Variants in LSAMP observed in about 807,000 individuals in gnomAD.
LSAMP encodes the protein limbic system associated membrane protein.
In LSAMP, 7 loss-of-function variants were observed where a neutral mutation model predicts 38.6. The ratio of observed to expected loss-of-function variants is 0.18; its 90% CI spans 0.10 to 0.34. The LOEUF is 0.34. LSAMP is among the 10% of genes least tolerant of loss of function. The probability of loss-of-function intolerance (pLI) is 1.00; values close to 1 mark genes in which losing one functional copy is unlikely to be tolerated. For synonymous variants in LSAMP, 154 were observed against 166.8 expected (o/e 0.92, Z 0.59); for missense variants, 313 against 420.0 (o/e 0.75, Z 2.23).
intron 1 of LSAMP, among the ~76,000 whole-genome samples, chr3:116,234,990 T>C (rs2107632174): frequency 6.6e-6 from 1 of 151,604 alleles, no homozygotes; most frequent in East Asian, 1.9e-4. Context: ...TATCTACCAG[T>C]TTGACAATGA....
Position 116,011,072 on chromosome 3 carries a change from C to T in LSAMP, c.514+8443G>A, listed in dbSNP as rs779478244. On this transcript the variant is annotated intron_variant, in intron 3 of 6. Transcript: ENST00000490035. Reference sequence around the variant, plus strand: ...AGGCTGGAGTGCAGTGGCATGATCTCGGCTCACTGCAAGCTCTGCCTCCTG... The same window carrying T: ...AGGCTGGAGTGCAGTGGCATGATCTTGGCTCACTGCAAGCTCTGCCTCCTG... Among the ~76,000 whole-genome samples, 8 of 151,486 alleles carry T rather than the reference C, an allele frequency of 5.3e-5. No individual in the cohort carries two copies. The South Asian group carries it at 6.2e-4, about 12-fold the overall frequency.
chr3:115,834,556 AC>A, intron 6 of LSAMP: 1 of 1,283,964 alleles, frequency 7.8e-7, no homozygotes, highest in Non-Finnish European at 1.0e-6. Flanking sequence ...TAAAAATCAT[AC>A]TGACCTTGAA....
At chr3:115,865,360 C>T (rs1935827280) in intron 3 of LSAMP, among the ~76,000 whole-genome samples, 2 of 152,146 alleles carry the variant, frequency 1.3e-5, no homozygotes, top group Non-Finnish European at 2.9e-5. Flanking sequence ...TATTGTCTAA[C>T]ATATTACTCA....
chr3:116,044,715 A>G (rs1464722971), intron 2 of LSAMP, among the ~76,000 whole-genome samples: 2 of 152,232 alleles, frequency 1.3e-5, no homozygotes, highest in African/African-American at 4.8e-5. Flanking sequence ...TAATTCATAT[A>G]TCACAATCCT....
At chr3:116,300,423 C>T (rs1010598732) in intron 1 of LSAMP, among the ~76,000 whole-genome samples, 1 of 152,174 alleles carries the variant, frequency 6.6e-6, no homozygotes, top group African/African-American at 2.4e-5. Context: ...GCCCGCTCTC[C>T]TATTGACTTG....
chr3:116,035,248 T>C (rs1941021649), intron 2 of LSAMP, among the ~76,000 whole-genome samples: 2 of 152,184 alleles, frequency 1.3e-5, no homozygotes, highest in South Asian at 4.1e-4. Flanking sequence ...ATGTTAAATT[T>C]TATATGCTAC....
At chr3:116,049,039 G>A (rs1941344186) in intron 2 of LSAMP, among the ~76,000 whole-genome samples, 1 of 152,224 alleles carries the variant, frequency 6.6e-6, no homozygotes, top group African/African-American at 2.4e-5. Flanking sequence ...GTGGAGAACA[G>A]AACCTCCTCT....
At chr3:116,004,544 A>T (rs1940100380) in intron 3 of LSAMP, among the ~76,000 whole-genome samples, 1 of 149,636 alleles carries the variant, frequency 6.7e-6, no homozygotes, top group East Asian at 1.9e-4. Flanking sequence ...ATACACACAC[A>T]CACGTAGGTG....
intron 1 of LSAMP, among the ~76,000 whole-genome samples, chr3:116,422,466 C>T (rs1409949427): frequency 6.6e-6 from 1 of 152,066 alleles, no homozygotes; most frequent in Non-Finnish European, 1.5e-5. Context: ...AATACTACCC[C>T]ATTTTATAGA....
intron 1 of LSAMP, among the ~76,000 whole-genome samples, chr3:116,405,721 G>C (rs909578838): frequency 6.6e-6 from 1 of 152,214 alleles, no homozygotes; most frequent in Middle Eastern, 3.4e-3. Context: ...AGGCTCATTA[G>C]AGGTGCAATT....
chr3:116,393,776 A>G (rs2048733373), intron 1 of LSAMP, among the ~76,000 whole-genome samples: 1 of 152,234 alleles, frequency 6.6e-6, no homozygotes, highest in Admixed American at 6.5e-5. Context: ...GTCTGTAGAG[A>G]TAAGGTTTTA....
intron 1 of LSAMP, among the ~76,000 whole-genome samples, chr3:116,356,886 T>C (rs1009883064): frequency 9.9e-5 from 15 of 152,132 alleles, no homozygotes; most frequent in Non-Finnish European, 1.8e-4. Context: ...CTCCGCCTCC[T>C]GGGTTCACGC....
At chr3:116,255,905 A>AT (rs1228942045) in intron 1 of LSAMP, among the ~76,000 whole-genome samples, 205 of 152,144 alleles carry the variant, frequency 1.3e-3, no homozygotes, top group African/African-American at 4.5e-3. Flanking sequence ...TTGTTTATTT[A>AT]TTTATTTTTT....
At chr3:115,869,811 G>A (rs1185215835) in intron 3 of LSAMP, among the ~76,000 whole-genome samples, 1 of 151,976 alleles carries the variant, frequency 6.6e-6, no homozygotes, top group African/African-American at 2.4e-5. Flanking sequence ...CAAAAATCCT[G>A]TAGTGCTAGG....
At chr3:116,122,860 G>A (rs899270289) in intron 1 of LSAMP, among the ~76,000 whole-genome samples, 1 of 152,034 alleles carries the variant, frequency 6.6e-6, no homozygotes, top group African/African-American at 2.4e-5. Context: ...TAAAACACTG[G>A]GTCAAGAGCT....
chr3:116,289,873 A>G (rs529839707), intron 1 of LSAMP, among the ~76,000 whole-genome samples: 3 of 152,366 alleles, frequency 2.0e-5, no homozygotes, highest in African/African-American at 7.2e-5. Context: ...TATTGTAAAG[A>G]CATGTATAGC....
At chr3:116,282,644 C>T (rs13083485) in intron 1 of LSAMP, among the ~76,000 whole-genome samples, 8,686 of 152,108 alleles carry the variant, frequency 0.057, 317 homozygotes, top group Middle Eastern at 0.12. Context: ...CAGACAACAA[C>T]GGAGCAACCA....
intron 1 of LSAMP, among the ~76,000 whole-genome samples, chr3:116,135,821 A>G (rs191262857): frequency 6.6e-6 from 1 of 152,316 alleles, no homozygotes; most frequent in African/African-American, 2.4e-5. Flanking sequence ...AAGATAATGC[A>G]TCCCATAATT....
At chr3:115,918,688 A>G (rs1183521091) in intron 3 of LSAMP, among the ~76,000 whole-genome samples, 4 of 149,522 alleles carry the variant, frequency 2.7e-5, no homozygotes, top group Non-Finnish European at 5.9e-5. Context: ...TAGATTAGGG[A>G]CAAAATCTTA....
Sources: allele counts gnomAD v4.1 joint callset (sites outside exome capture counted in the v4.1 genomes callset), GRCh38; gene constraint gnomAD v4.1.1; transcripts MANE v1.5; gene names NCBI Gene and HGNC (gene_info 2026-07-23, HGNC 2026-07-21).